Variants in DOCK1 observed in about 807,000 individuals in gnomAD.
DOCK1 encodes dedicator of cytokinesis protein 1.
Under a neutral mutation model 262.7 loss-of-function variants are expected in DOCK1, and 138 were observed. That is an observed-to-expected ratio of 0.53 (90% CI 0.46 to 0.61). The LOEUF (loss-of-function observed/expected upper bound fraction) is 0.61. DOCK1 is among the 20% of genes least tolerant of loss of function. The pLI, the probability that DOCK1 is intolerant of heterozygous loss-of-function variation, is 0.00. For synonymous variants in DOCK1, 866 were observed against 867.4 expected (o/e 1.00, Z 0.03); for missense variants, 1,908 against 2,370.7 (o/e 0.80, Z 4.05).
At chr10:127,393,517 AAGGGAGCAGGGGTCCCCATCCC>A in intron 38 of DOCK1, among the ~76,000 whole-genome samples, 1 of 152,230 alleles carries the variant, frequency 6.6e-6, no homozygotes, top group South Asian at 2.1e-4. Flanking sequence ...GCAGGCTGTT[AAGGGAGCAGGGGTCCCCATCCC>A]AGGCCCCCTG....
intron 31 of DOCK1, chr10:127,344,116 G>T: frequency 5.5e-6 from 1 of 180,190 alleles, no homozygotes; most frequent in Non-Finnish European, 1.1e-5. Flanking sequence ...GGCTCTATTG[G>T]GATTGTTGAA....
intron 27 of DOCK1, among the ~76,000 whole-genome samples, chr10:127,225,788 G>T (rs2058612167): frequency 6.6e-6 from 1 of 152,162 alleles, no homozygotes; most frequent in Non-Finnish European, 1.5e-5. Flanking sequence ...GTACCCATAA[G>T]AAGTAGTTGG....
chr10:127,387,057 C>T (rs1012083993), intron 38 of DOCK1, among the ~76,000 whole-genome samples: 3 of 152,142 alleles, frequency 2.0e-5, no homozygotes, highest in African/African-American at 7.2e-5. Flanking sequence ...GGGCAGGAGG[C>T]AGGGACCCTG....
intron 38 of DOCK1, among the ~76,000 whole-genome samples, chr10:127,400,731 CAGTG>C (rs1248407455): frequency 2.0e-5 from 3 of 152,050 alleles, no homozygotes; most frequent in African/African-American, 7.2e-5. Flanking sequence ...AAAAAATTAA[CAGTG>C]AGGAAATGAT....
chr10:126,960,811 T>A (rs1438633882), intron 1 of DOCK1, among the ~76,000 whole-genome samples: 1 of 133,698 alleles, frequency 7.5e-6, no homozygotes, highest in Non-Finnish European at 1.6e-5. Context: ...CACACACACA[T>A]AGATATATAC....
intron 38 of DOCK1, among the ~76,000 whole-genome samples, chr10:127,392,143 C>A (rs1442485177): frequency 6.6e-6 from 1 of 151,896 alleles, no homozygotes; most frequent in African/African-American, 2.4e-5. Context: ...GCTGCCATGA[C>A]AGCTGCCTTC....
intron 29 of DOCK1, among the ~76,000 whole-genome samples, chr10:127,296,515 G>A (rs1034922089): frequency 2.4e-4 from 36 of 152,214 alleles, no homozygotes; most frequent in Admixed American, 3.9e-4. Context: ...GAAACCTGCC[G>A]TGTGGAGTGA....
intron 29 of DOCK1, among the ~76,000 whole-genome samples, chr10:127,289,284 G>T (rs573002342): frequency 3.4e-4 from 52 of 152,222 alleles, no homozygotes; most frequent in African/African-American, 1.2e-3. Flanking sequence ...GTAGTATATA[G>T]AGATATTTCT....
chr10:127,233,449 G>A (rs2058929803), intron 27 of DOCK1, among the ~76,000 whole-genome samples: 1 of 152,172 alleles, frequency 6.6e-6, no homozygotes, highest in South Asian at 2.1e-4. Context: ...TCAATGAGCA[G>A]ACATTCAAGA....
intron 1 of DOCK1, among the ~76,000 whole-genome samples, chr10:126,962,210 A>G (rs2037280023): frequency 7.0e-6 from 1 of 143,442 alleles, no homozygotes; most frequent in Non-Finnish European, 1.5e-5. Flanking sequence ...CCCAGGCTGG[A>G]GTGTAGTGGC....
At chr10:127,026,636 C>A (rs2042884155) in intron 16 of DOCK1, 1 of 577,756 alleles carries the variant, frequency 1.7e-6, no homozygotes, top group East Asian at 3.1e-5. Context: ...TTCCTCCTAC[C>A]CAGTGTTGCT....
At chr10:126,915,535 C>T (rs1234986337) in intron 1 of DOCK1, among the ~76,000 whole-genome samples, 1 of 152,164 alleles carries the variant, frequency 6.6e-6, no homozygotes, top group Non-Finnish European at 1.5e-5. Flanking sequence ...TTTCCTGCCT[C>T]AGCCTCCCAA....
In DOCK1 at chr10:127,415,161, A is replaced by C. The variant is rs2068082911; in HGVS notation, c.4438A>C (p.Ile1480Leu). 1 of 1,613,724 alleles carries C rather than the reference A, an allele frequency of 6.2e-7. No individual in the cohort carries two copies. The highest frequency in any genetic ancestry group is 1.3e-5 in the African/African-American group (1 of 75,044). Residue 1480 changes from isoleucine to leucine, a missense_variant, in exon 44 of 52, where the codon ATC becomes CTC. Physicochemically the swap from Ile to Leu is conservative, Grantham distance 5. Transcript: ENST00000623213. ...TGTGTTTCCTTTGCAGAATATGTGGATCGAGAGAACCATATATACAACTGC... is the reference window on the plus strand; with the variant it reads ...TGTGTTTCCTTTGCAGAATATGTGGCTCGAGAGAACCATATATACAACTGC... Reference protein sequence around the residue: ...NPDNEFANMWIERTIYTTAYK... With the variant: ...NPDNEFANMWLERTIYTTAYK...
At chr10:127,090,459 G>A (rs1237874873) in intron 23 of DOCK1, among the ~76,000 whole-genome samples, 3 of 140,630 alleles carry the variant, frequency 2.1e-5, no homozygotes, top group Admixed American at 1.4e-4. Context: ...AGTGGAGAAT[G>A]GGACTTTTTT....
At chr10:126,980,837 C>T (rs1474741669) in intron 3 of DOCK1, among the ~76,000 whole-genome samples, 2 of 152,174 alleles carry the variant, frequency 1.3e-5, no homozygotes, top group Admixed American at 6.5e-5. Context: ...GAAGCGGTAG[C>T]TGGGCTGCGT....
chr10:127,345,661 CT>C (rs2063599152), intron 31 of DOCK1, among the ~76,000 whole-genome samples: 1 of 152,146 alleles, frequency 6.6e-6, no homozygotes, highest in Non-Finnish European at 1.5e-5. Context: ...TCGCCTGTGA[CT>C]ACCGAAGCGG....
chr10:127,251,513 T>C (rs1313254928), intron 28 of DOCK1, among the ~76,000 whole-genome samples: 1 of 146,038 alleles, frequency 6.8e-6, no homozygotes, highest in Non-Finnish European at 1.5e-5. Context: ...GTATAACTCC[T>C]AATGCTATCC....
chr10:127,363,737 G>A (rs2064727781), intron 33 of DOCK1, among the ~76,000 whole-genome samples: 1 of 152,148 alleles, frequency 6.6e-6, no homozygotes, highest in Non-Finnish European at 1.5e-5. Flanking sequence ...ATCACATGAA[G>A]GCGGTATCCA....
At chr10:127,118,240 TCCTTGATGTACCC>T (rs2307871) in intron 25 of DOCK1, among the ~76,000 whole-genome samples, 108,863 of 151,948 alleles carry the variant, frequency 0.72, 42,826 homozygotes, top group South Asian at 0.89. Flanking sequence ...ACAAGCCACA[TCCTTGATGTACCC>T]CCTTCCACCT....
Sources: gnomAD v4.1 joint callset for allele counts (sites outside exome capture counted in the v4.1 genomes callset) on GRCh38, gnomAD v4.1.1 for gene constraint, MANE v1.5 for transcripts, NCBI Gene and HGNC (gene_info 2026-07-23, HGNC 2026-07-21) for gene names.